DDX60: variants seen among roughly 807,000 people sequenced by gnomAD.
DDX60 encodes the protein probable ATP-dependent RNA helicase DDX60.
A neutral mutation model predicts 212.8 loss-of-function variants in DDX60; 165 were observed. The ratio of observed to expected loss-of-function variants is 0.78; its 90% CI spans 0.68 to 0.88. The LOEUF is 0.88. Ranked by LOEUF, DDX60 falls within the 40% of genes least tolerant of loss-of-function variation. The probability of loss-of-function intolerance (pLI) is 0.00; values close to 1 mark genes in which losing one functional copy is unlikely to be tolerated. For synonymous variants in DDX60, 703 were observed against 685.3 expected, an observed-to-expected ratio of 1.03 and a Z score of -0.40; for missense variants, 1,905 against 2,003.9, an observed-to-expected ratio of 0.95 and a Z score of 0.94.
At chr4:168,245,472 C>T (rs1733989068) in intron 30 of DDX60, among the ~76,000 whole-genome samples, 1 of 151,974 alleles carries the variant, frequency 6.6e-6, no homozygotes, top group Admixed American at 6.5e-5. Flanking sequence ...GAAAATGAAC[C>T]ACCCTGATAA....
chr4:168,244,082 C>G (rs1733941224), intron 30 of DDX60, among the ~76,000 whole-genome samples: 1 of 152,056 alleles, frequency 6.6e-6, no homozygotes. Flanking sequence ...GGGAGGGGAA[C>G]AACACATACC....
At position 168,305,613 on chromosome 4, in the gene DDX60, T is replaced by C. The variant is rs1398226130; in HGVS notation, c.606+766A>G. On this transcript the variant is annotated intron_variant, in intron 5 of 37. Coordinates refer to ENST00000393743, the MANE Select transcript of DDX60 (RefSeq NM_017631.6). Reference sequence around the variant, plus strand: ...TAATTTATTATGTAAATAAATTTATTATAATTTCTATTATATATTATATTA... The same window carrying C: ...TAATTTATTATGTAAATAAATTTATCATAATTTCTATTATATATTATATTA... Among the ~76,000 whole-genome samples, 3 of 148,898 alleles carry C rather than the reference T, an allele frequency of 2.0e-5. No homozygotes were observed. In the East Asian group the frequency reaches 5.8e-4, roughly 29 times the overall value.
chr4:168,291,654 T>C lies in DDX60; in HGVS notation c.1041+94A>G, dbSNP rs145693720. 287 of 1,201,436 alleles carry C rather than the reference T, an allele frequency of 2.4e-4. 2 individuals are homozygous for C. In the East Asian group the frequency reaches 6.7e-3, roughly 28 times the overall value. The allele number at this position is 1,201,436 out of a possible 1,614,324, so 74.4% of individuals were successfully genotyped here. ...ACTTTTATAGCCCCCAAGGGGCTAA[T>C]AGTAGTCCCACATAAGAGAATTTTG... On this transcript the variant is annotated intron_variant, in intron 8 of 37. Coordinates refer to ENST00000393743, the MANE Select transcript of DDX60 (RefSeq NM_017631.6).
intron 22 of DDX60, among the ~76,000 whole-genome samples, chr4:168,263,067 C>A (rs953672403): frequency 6.6e-6 from 1 of 152,110 alleles, no homozygotes; most frequent in Non-Finnish European, 1.5e-5. Flanking sequence ...GAAATCAGAG[C>A]GATGGGAAGC....
chr4:168,221,562 T>A (rs1733050901), intron 36 of DDX60, among the ~76,000 whole-genome samples, 168 bp downstream of exon 36: 1 of 152,036 alleles, frequency 6.6e-6, no homozygotes, highest in South Asian at 2.1e-4. Context: ...ACCGAATTGT[T>A]ATTCTCTCTT....
intron 9 of DDX60, among the ~76,000 whole-genome samples, chr4:168,287,448 A>G (rs1735909441): frequency 6.6e-6 from 1 of 152,198 alleles, no homozygotes; most frequent in Non-Finnish European, 1.5e-5. Context: ...ACATTAACCC[A>G]CAAACGCATC....
chr4:168,275,691 T>G (rs1735303920), intron 15 of DDX60, among the ~76,000 whole-genome samples, 188 bp from the exon 16 acceptor site: 1 of 152,204 alleles, frequency 6.6e-6, no homozygotes, highest in Non-Finnish European at 1.5e-5. Context: ...ATATACGTCA[T>G]GATATTTGTG....
upstream of DDX60, among the ~76,000 whole-genome samples, chr4:168,322,522 C>A (rs1737626893): frequency 6.6e-6 from 1 of 151,898 alleles, no homozygotes; most frequent in Non-Finnish European, 1.5e-5. Flanking sequence ...TACTCTGCTG[C>A]ATTTTTTCAG....
intron 34 of DDX60, 130 bp from the exon 35 acceptor site, chr4:168,224,515 T>C (rs1010100984): frequency 1.2e-6 from 1 of 837,480 alleles, no homozygotes; most frequent in Non-Finnish European, 1.9e-6. Flanking sequence ...AAATGTTTCG[T>C]AAGTTATATC....
chr4:168,316,779 A>T (rs185660546), intron 1 of DDX60, among the ~76,000 whole-genome samples: 1 of 152,024 alleles, frequency 6.6e-6, no homozygotes, highest in Non-Finnish European at 1.5e-5. Flanking sequence ...GAAGTATTGT[A>T]GTTCTCCCAG....
intron 22 of DDX60, among the ~76,000 whole-genome samples, chr4:168,266,228 T>C (rs907679132): frequency 6.6e-6 from 1 of 152,232 alleles, no homozygotes; most frequent in Non-Finnish European, 1.5e-5. Flanking sequence ...AAGACATCTA[T>C]CATAAGATTG....
At chr4:168,303,818 C>T (rs1410377897) in intron 5 of DDX60, among the ~76,000 whole-genome samples, 1 of 152,088 alleles carries the variant, frequency 6.6e-6, no homozygotes. Context: ...CCCGTCTCTA[C>T]TAAAAACACA....
intron 8 of DDX60, among the ~76,000 whole-genome samples, chr4:168,289,699 C>G (rs1043303862): frequency 6.6e-6 from 1 of 152,176 alleles, no homozygotes; most frequent in Non-Finnish European, 1.5e-5. Flanking sequence ...TCCCCACTAA[C>G]GTGCCCTTCA....
intron 6 of DDX60, among the ~76,000 whole-genome samples, chr4:168,299,567 T>TAA (rs879813717): frequency 6.7e-6 from 1 of 149,030 alleles, no homozygotes; most frequent in East Asian, 2.0e-4. Flanking sequence ...AACCTGATCA[T>TAA]AAAAAAAAAC....
At chr4:168,250,910 AAC>A (rs760066109) in intron 28 of DDX60, 42 bp downstream of exon 28, 1 of 1,456,872 alleles carries the variant, frequency 6.9e-7, no homozygotes, top group South Asian at 1.2e-5. Context: ...TTCAGCTTGA[AAC>A]AGTCACAATT....
At chr4:168,237,633 T>C in intron 31 of DDX60, 58 bp downstream of exon 31, 1 of 1,422,916 alleles carries the variant, frequency 7.0e-7, no homozygotes, top group Non-Finnish European at 9.7e-7. Context: ...TTCAGCATGA[T>C]AAGAAATCTA....
intron 29 of DDX60, among the ~76,000 whole-genome samples, chr4:168,247,003 T>A (rs1734047338): frequency 6.6e-6 from 1 of 152,172 alleles, no homozygotes; most frequent in Admixed American, 6.5e-5. Context: ...CTCTCATCCC[T>A]TTTCTACCCT....
At chr4:168,239,332 A>C (rs902892968) in intron 30 of DDX60, among the ~76,000 whole-genome samples, 1 of 152,120 alleles carries the variant, frequency 6.6e-6, no homozygotes, top group African/African-American at 2.4e-5. Context: ...GATACATGAT[A>C]GAAAGGTAGG....
In DDX60 at chr4:168,221,734, T is replaced by G. The variant is rs764929484; in HGVS notation, c.4972A>C (p.Asn1658His). 2 of 1,606,742 alleles carry G rather than the reference T, an allele frequency of 1.2e-6. No homozygotes were observed. The highest frequency in any genetic ancestry group is 1.7e-6 in the Non-Finnish European group (2 of 1,174,346). Residue 1658 changes from asparagine to histidine, a missense_variant, in exon 36 of 38, where the codon AAC becomes CAC. By Grantham distance (68) the Asn-to-His change is moderately conservative. Transcript: ENST00000393743. The stretch of plus-strand genomic sequence containing the variant: ...AGACAGACAGAGAGGACATACCTGT[T>G]ATCCTGGACTAATCCTATCAAGGAA... ...HGSLIGLVQD[N>H]RMNEGDAYYL...
Sources: allele counts gnomAD v4.1 joint callset (sites outside exome capture counted in the v4.1 genomes callset), GRCh38; gene constraint gnomAD v4.1.1; transcripts MANE v1.5; gene names NCBI Gene and HGNC (gene_info 2026-07-23, HGNC 2026-07-21).